TNN: variants seen among roughly 807,000 people sequenced by gnomAD.
The protein encoded by TNN is tenascin N, also known as tenascin-N.
In TNN, 122 loss-of-function variants were observed where a neutral mutation model predicts 134.4. The observed-to-expected ratio is 0.91, with a 90% CI of 0.78 to 1.06. The LOEUF (loss-of-function observed/expected upper bound fraction) is 1.06. Among genes scored for constraint, TNN ranks in the 50% least tolerant of loss-of-function variants. The pLI, the probability that TNN is intolerant of heterozygous loss-of-function variation, is 0.00. For synonymous variants in TNN, 710 were observed against 670.3 expected (o/e 1.06, Z -0.91); for missense variants, 1,739 against 1,699.4 (o/e 1.02, Z -0.41).
intron 9 of TNN, among the ~76,000 whole-genome samples, chr1:175,099,796 C>T (rs1411053075): frequency 6.6e-6 from 1 of 152,144 alleles, no homozygotes; most frequent in Admixed American, 6.5e-5. Context: ...CTAAAGCTGA[C>T]TCGGTCATGA....
Position 175,077,402 on chromosome 1 carries a change from T to C in TNN, c.-17T>C. 1 of 1,604,588 alleles carries C rather than the reference T, an allele frequency of 6.2e-7. No individual in the cohort carries two copies. Among genetic ancestry groups the C allele is most frequent in the Non-Finnish European group, 8.5e-7 (1 of 1,174,284 alleles). On this transcript the variant is annotated 5_prime_UTR_variant, in exon 2 of 19. Transcript: ENST00000239462. Reference sequence around the variant, plus strand: ...AATACAGGCATCCTGGAGGGTCTGCTCCCTGTCTTTCCAAGGATGAGTCTC... The same window carrying C: ...AATACAGGCATCCTGGAGGGTCTGCCCCCTGTCTTTCCAAGGATGAGTCTC...
chr1:175,117,639 T>C (rs1249811956), intron 10 of TNN, among the ~76,000 whole-genome samples: 1 of 152,222 alleles, frequency 6.6e-6, no homozygotes, highest in Non-Finnish European at 1.5e-5. Flanking sequence ...TGAATCACAT[T>C]ATAACTATAA....
intron 2 of TNN, among the ~76,000 whole-genome samples, chr1:175,078,395 G>A (rs1558347519): frequency 6.6e-6 from 1 of 151,934 alleles, no homozygotes; most frequent in Admixed American, 6.5e-5. Flanking sequence ...AATTATAATT[G>A]TAAAATAATT....
chr1:175,132,169 A>G (rs1331403775), intron 15 of TNN, among the ~76,000 whole-genome samples: 2 of 152,152 alleles, frequency 1.3e-5, no homozygotes, highest in Non-Finnish European at 2.9e-5. Context: ...AGTCCCAAGG[A>G]AGGGGTTGGA....
chr1:175,119,638 CTTTTTTTTTTT>C lies in TNN; in HGVS notation c.2650+820_2650+830del, dbSNP rs869293406. On this transcript the variant is annotated intron_variant, in intron 11 of 18. Coordinates refer to ENST00000239462, the MANE Select transcript of TNN (RefSeq NM_022093.2). Reference sequence around the variant, plus strand: ...GCAGTCCCATGAATGCCTTTTTTTTCTTTTTTTTTTTTTTTTGAGACAGTCTTGCCCTGTCG... The same window carrying C: ...GCAGTCCCATGAATGCCTTTTTTTTCTTTTTGAGACAGTCTTGCCCTGTCG... 5.3e-5 allele frequency among the ~76,000 whole-genome samples: 7 copies of C among 131,580 alleles called. No individual in the cohort carries two copies. In the East Asian group the frequency reaches 1.3e-3, roughly 25 times the overall value. The allele number at this position is 131,580 out of a possible 152,430, so 86.3% of individuals were successfully genotyped here. A position where few individuals can be genotyped will look rare whatever the true frequency, so the allele number is the denominator to read the frequency against.
chr1:175,105,000 G>T (rs545319287), intron 9 of TNN, among the ~76,000 whole-genome samples: 2 of 145,780 alleles, frequency 1.4e-5, no homozygotes, highest in African/African-American at 4.9e-5. Flanking sequence ...TCCCAGTGGG[G>T]ATCCATACTG....
chr1:175,088,412 T>C (rs1002783121), intron 6 of TNN, among the ~76,000 whole-genome samples: 4 of 152,194 alleles, frequency 2.6e-5, no homozygotes, highest in Non-Finnish European at 5.9e-5. Flanking sequence ...TGTTTCTTGT[T>C]ATAAATCATA....
intron 16 of TNN, among the ~76,000 whole-genome samples, chr1:175,136,486 A>C (rs186796851): frequency 1.3e-5 from 2 of 152,180 alleles, no homozygotes; most frequent in South Asian, 2.1e-4. Flanking sequence ...CTCTTTGGGG[A>C]TCTTAGGATG....
In TNN at chr1:175,098,465, G is replaced by A. The variant is rs199531229; in HGVS notation, c.1989G>A (p.Glu663=). The A allele has an allele frequency of 1.9e-6, 3 of 1,614,202 alleles. No individual in the cohort carries two copies. The highest frequency in any genetic ancestry group is 4.5e-5 in the East Asian group (2 of 44,886). ...CCTCTGCTGGTGGAGAGACCAGGGAGGTTCCGGTGGGGAAGGAGCAGAGCA... is the reference window on the plus strand; with the variant it reads ...CCTCTGCTGGTGGAGAGACCAGGGAAGTTCCGGTGGGGAAGGAGCAGAGCA... ...RYTSAGGETR[E]VPVGKEQSST... Residue 663 remains glutamate (E), a synonymous_variant, in exon 9 of 19, where the codon GAG becomes GAA. Transcript: ENST00000239462.
At chr1:175,073,161 C>T (rs1352631498) in intron 1 of TNN, among the ~76,000 whole-genome samples, 3 of 151,968 alleles carry the variant, frequency 2.0e-5, no homozygotes, top group East Asian at 1.9e-4. Context: ...TACTGGTGAA[C>T]GGCAGAAGTG....
Position 175,083,746 on chromosome 1 carries a change from C to T in TNN, c.1049-4C>T. On this transcript the variant is annotated splice_polypyrimidine_tract_variant and splice_region_variant and intron_variant, in intron 4 of 18. Coordinates refer to ENST00000239462, the MANE Select transcript of TNN (RefSeq NM_022093.2). ...TTCTCTTGCCTCCGTCACCCCTGCC[C>T]TAGACCTTGCTGTGCTTGGCACTGC... The T allele has an allele frequency of 1.2e-6, 2 of 1,613,870 alleles. No homozygotes were observed. Among genetic ancestry groups the T allele is most frequent in the Non-Finnish European group, 1.7e-6 (2 of 1,179,866 alleles).
In TNN at chr1:175,079,320, C is replaced by T; in HGVS notation, c.410-13C>T. Reference sequence around the variant, plus strand: ...CCTTCAACCCAACCTACTGTTTCTCCTCTCCCTCCCAGATCTAAGCCGCCA... The same window carrying T: ...CCTTCAACCCAACCTACTGTTTCTCTTCTCCCTCCCAGATCTAAGCCGCCA... On this transcript the variant is annotated splice_polypyrimidine_tract_variant and intron_variant, in intron 2 of 18. Transcript: ENST00000239462. 3.2e-6 allele frequency: 5 copies of T among 1,575,714 alleles called. No individual in the cohort carries two copies. The highest frequency in any genetic ancestry group is 1.2e-5 in the South Asian group (1 of 86,638).
Position 175,097,579 on chromosome 1 carries a change from G to A in TNN, c.1751G>A (p.Ser584Asn), listed in dbSNP as rs1674600868. The A allele has an allele frequency of 1.9e-6, 3 of 1,614,104 alleles. No homozygotes were observed. Among genetic ancestry groups the A allele is most frequent in the African/African-American group, 2.7e-5 (2 of 74,932 alleles). Residue 584 changes from serine (S) to asparagine (N), a missense_variant, in exon 8 of 19, where the codon AGC becomes AAC. Coordinates refer to ENST00000239462, the MANE Select transcript of TNN (RefSeq NM_022093.2). ...REVLVGKEQS[S>N]TVLTGLRPGV... ...GTTCTGGTGGGGAAGGAGCAGAGCA[G>A]CACTGTCCTGACAGGCCTGAGGCCA...
Position 175,116,844 on chromosome 1 carries a change from A to G in TNN, c.2120-95A>G, listed in dbSNP as rs1440870728. On this transcript the variant is annotated intron_variant, in intron 9 of 18. Transcript: ENST00000239462. Reference sequence around the variant, plus strand: ...CAGCATATGATATGGAGAAACCATAAGAACAGGAAACTGCCTTACCACAAG... The same window carrying G: ...CAGCATATGATATGGAGAAACCATAGGAACAGGAAACTGCCTTACCACAAG... The G allele has an allele frequency of 3.5e-5, 54 of 1,542,860 alleles. 1 individual carries two copies. The South Asian group carries it at 5.6e-4, about 16-fold the overall frequency.
At chr1:175,071,584 G>A (rs902542228) in intron 1 of TNN, among the ~76,000 whole-genome samples, 1 of 152,186 alleles carries the variant, frequency 6.6e-6, no homozygotes, top group African/African-American at 2.4e-5. Flanking sequence ...ATGGCAGAAC[G>A]GAGGACATCT....
At chr1:175,082,940 G>A (rs1326535324) in intron 4 of TNN, among the ~76,000 whole-genome samples, 2 of 151,666 alleles carry the variant, frequency 1.3e-5, no homozygotes, top group Non-Finnish European at 2.9e-5. Context: ...CCTTAGAGCT[G>A]TAGCAATGAT....
At chr1:175,087,807 C>A (rs9650986) in intron 6 of TNN, among the ~76,000 whole-genome samples, 30,057 of 152,204 alleles carry the variant, frequency 0.2, 3,174 homozygotes, top group African/African-American at 0.27. Flanking sequence ...AGGTTAGGAC[C>A]TGTACTTCTG....
intron 13 of TNN, among the ~76,000 whole-genome samples, chr1:175,127,449 T>C (rs1275213138): frequency 6.6e-6 from 1 of 152,214 alleles, no homozygotes; most frequent in African/African-American, 2.4e-5. Context: ...GGAAAATTAT[T>C]ATTCTCCCTC....
In TNN at chr1:175,147,975, A is replaced by G. The variant is rs1287558647; in HGVS notation, c.*904A>G. ...ATCAGATCCTTTTTGCTTATTTTCT[A>G]TCACTTTGGAGGGTTTTCTGTAGCA... On this transcript the variant is annotated 3_prime_UTR_variant, in exon 19 of 19. Coordinates refer to ENST00000239462, the MANE Select transcript of TNN (RefSeq NM_022093.2). The G allele has an allele frequency of 6.6e-6, 1 of 152,112 alleles. No homozygotes were observed. The highest frequency in any genetic ancestry group is 1.5e-5 in the Non-Finnish European group (1 of 68,026). The allele number at this position is 152,112 out of a possible 1,614,324, so 9.4% of individuals were successfully genotyped here.
Sources: allele counts gnomAD v4.1 joint callset (sites outside exome capture counted in the v4.1 genomes callset), GRCh38; gene constraint gnomAD v4.1.1; transcripts MANE v1.5; gene names NCBI Gene and HGNC (gene_info 2026-07-23, HGNC 2026-07-21).